TRDN: variants seen among roughly 807,000 people sequenced by gnomAD.
The protein encoded by TRDN is triadin.
A neutral mutation model predicts 149.7 loss-of-function variants in TRDN; 161 were observed. The ratio of observed to expected loss-of-function variants is 1.08; its 90% CI spans 0.95 to 1.23. The LOEUF (loss-of-function observed/expected upper bound fraction) is 1.23. TRDN is among the 50% of genes most tolerant of loss of function. TRDN has a pLI of 0.00. For synonymous variants in TRDN, 294 were observed against 250.5 expected (o/e 1.17, Z -1.64); for missense variants, 896 against 823.5 (o/e 1.09, Z -1.08).
At chr6:123,279,012 G>C in intron 25 of TRDN, 44 bp downstream of exon 25, 1 of 1,559,992 alleles carries the variant, frequency 6.4e-7, no homozygotes, top group Non-Finnish European at 8.7e-7. Flanking sequence ...ATGTATGTAT[G>C]TACATATGTA....
At chr6:123,549,014 A>G (rs188212078) in intron 2 of TRDN, among the ~76,000 whole-genome samples, 3 of 152,172 alleles carry the variant, frequency 2.0e-5, no homozygotes, top group African/African-American at 7.2e-5. Flanking sequence ...TTTTCAGACA[A>G]ATAACAAGTT....
intron 24 of TRDN, among the ~76,000 whole-genome samples, chr6:123,291,540 G>C (rs556089083): frequency 2.0e-5 from 3 of 152,174 alleles, no homozygotes; most frequent in Admixed American, 6.5e-5. Flanking sequence ...ACTCCAACCT[G>C]GGCGACAGAG....
intron 13 of TRDN, among the ~76,000 whole-genome samples, chr6:123,391,071 A>C (rs1782094465): frequency 6.6e-6 from 1 of 152,102 alleles, no homozygotes; most frequent in African/African-American, 2.4e-5. Context: ...TGATTAAAAA[A>C]ATAATTCCCC....
At chr6:123,274,935 T>A (rs767780140) in intron 26 of TRDN, among the ~76,000 whole-genome samples, 1 of 152,100 alleles carries the variant, frequency 6.6e-6, no homozygotes, top group Non-Finnish European at 1.5e-5. Context: ...AACAGAAACA[T>A]GCTTTGCACT....
rs137898144 is a variant in TRDN at position 123,353,328 on chromosome 6, C to T, written c.1322-742G>A. On this transcript the variant is annotated intron_variant, in intron 20 of 40. Transcript: ENST00000334268. Reference sequence around the variant, plus strand: ...CATAAAACTGAAAGAAGAAAAAATACAACTTTAAAATGAAGAAATGTGTCT... The same window carrying T: ...CATAAAACTGAAAGAAGAAAAAATATAACTTTAAAATGAAGAAATGTGTCT... Among the ~76,000 whole-genome samples the T allele has an allele frequency of 2.3e-3, 350 of 151,894 alleles. 1 individual carries two copies. The highest frequency in any genetic ancestry group is 4.1e-3 in the Non-Finnish European group (280 of 67,766).
chr6:123,299,973 T>C (rs1316502629), intron 24 of TRDN, among the ~76,000 whole-genome samples: 1 of 152,008 alleles, frequency 6.6e-6, no homozygotes, highest in East Asian at 1.9e-4. Context: ...AACTTACAAA[T>C]TAGCTTAGAA....
intron 1 of TRDN, among the ~76,000 whole-genome samples, chr6:123,586,255 C>T (rs1783474294): frequency 6.6e-6 from 1 of 151,924 alleles, no homozygotes; most frequent in Non-Finnish European, 1.5e-5. Flanking sequence ...GTAAGCCGGA[C>T]CGGGTGTGAG....
chr6:123,370,762 A>G (rs1781292629), intron 19 of TRDN, among the ~76,000 whole-genome samples: 1 of 152,138 alleles, frequency 6.6e-6, no homozygotes, highest in African/African-American at 2.4e-5. Flanking sequence ...GTAAAATACT[A>G]TCTTGTACTT....
chr6:123,313,564 A>G (rs1465448686), intron 24 of TRDN, among the ~76,000 whole-genome samples: 1 of 151,712 alleles, frequency 6.6e-6, no homozygotes, highest in Non-Finnish European at 1.5e-5. Context: ...ATCCCTAGTC[A>G]CCTCAAATTT....
At chr6:123,389,958 C>T (rs1020569497) in intron 13 of TRDN, among the ~76,000 whole-genome samples, 2 of 152,120 alleles carry the variant, frequency 1.3e-5, no homozygotes, top group Non-Finnish European at 2.9e-5. Context: ...ACTCAACAGA[C>T]TTTGTTGTTG....
At chr6:123,500,657 C>T (rs1308508873) in intron 8 of TRDN, among the ~76,000 whole-genome samples, 1 of 152,120 alleles carries the variant, frequency 6.6e-6, no homozygotes, top group African/African-American at 2.4e-5. Flanking sequence ...TTCTCTCCTT[C>T]TTGATTCTCA....
chr6:123,266,911 A>T (rs987873312), intron 32 of TRDN, among the ~76,000 whole-genome samples: 4 of 146,092 alleles, frequency 2.7e-5, no homozygotes, highest in Non-Finnish European at 6.0e-5. Context: ...GATCGAGACC[A>T]TCCTGGCTAA....
intron 8 of TRDN, chr6:123,498,739 A>G (rs192177304): frequency 5.1e-6 from 2 of 394,004 alleles, no homozygotes; most frequent in East Asian, 7.3e-5. Flanking sequence ...AGAACTGGCA[A>G]TTTGACTCTA....
intron 33 of TRDN, 31 bp from the exon 34 acceptor site, chr6:123,260,669 A>G: frequency 7.1e-7 from 1 of 1,404,794 alleles, no homozygotes; most frequent in South Asian, 1.4e-5. Flanking sequence ...AGAATGTAGA[A>G]AGAAAGGAAA....
chr6:123,316,770 T>C lies in TRDN; in HGVS notation c.1472-275A>G, dbSNP rs893470229. Among the ~76,000 whole-genome samples the C allele has an allele frequency of 2.0e-5, 3 of 151,846 alleles. No homozygotes were observed. In the Admixed American group the frequency reaches 2.0e-4, roughly 10 times the overall value. On this transcript the variant is annotated intron_variant, in intron 23 of 40. Coordinates refer to ENST00000334268, the MANE Select transcript of TRDN (RefSeq NM_006073.4). ...AAGTAATTTGGCTTCTTGTCTTTAA[T>C]AAAAGCCAGGACTTATAATTTATGC...
At chr6:123,474,821 G>A (rs1359458122) in intron 9 of TRDN, among the ~76,000 whole-genome samples, 1 of 152,000 alleles carries the variant, frequency 6.6e-6, no homozygotes, top group Non-Finnish European at 1.5e-5. Flanking sequence ...GCTCCTGAAT[G>A]ACTACTGGGT....
chr6:123,276,183 A>C (rs1332437745), intron 26 of TRDN, among the ~76,000 whole-genome samples: 2 of 152,126 alleles, frequency 1.3e-5, no homozygotes, highest in Non-Finnish European at 2.9e-5. Flanking sequence ...GTAACACATA[A>C]ATTTTGAGAA....
At chr6:123,302,754 G>A (rs573326423) in intron 24 of TRDN, among the ~76,000 whole-genome samples, 40 of 152,108 alleles carry the variant, frequency 2.6e-4, no homozygotes, top group African/African-American at 9.4e-4. Context: ...TTTTGAACAA[G>A]GCATCTCAAA....
chr6:123,518,092 A>G (rs749401026), intron 5 of TRDN, among the ~76,000 whole-genome samples: 2 of 152,206 alleles, frequency 1.3e-5, no homozygotes, highest in Non-Finnish European at 2.9e-5. Context: ...TGGTAGAGCT[A>G]TAATAGACAC....
Sources: allele counts gnomAD v4.1 joint callset (sites outside exome capture counted in the v4.1 genomes callset), GRCh38; gene constraint gnomAD v4.1.1; transcripts MANE v1.5; gene names NCBI Gene and HGNC (gene_info 2026-07-23, HGNC 2026-07-21).